The following CAMLG variants were observed in gnomAD, a reference collection of about 807,000 sequenced individuals.
CAMLG encodes the protein calcium modulating ligand, also known as guided entry of tail-anchored proteins factor CAMLG.
CAMLG carries 23 observed loss-of-function variants against 28.9 expected under a neutral mutation model. That is an observed-to-expected ratio of 0.80 (90% confidence interval 0.57 to 1.13). CAMLG has a LOEUF of 1.13. Among genes scored for constraint, CAMLG ranks in the 50% most tolerant of loss-of-function variants. The probability of loss-of-function intolerance (pLI) is 0.00; values close to 1 mark genes in which losing one functional copy is unlikely to be tolerated. For missense variants in CAMLG, 367 were observed against 371.9 expected (o/e 0.99, Z 0.11); for synonymous variants, 141 against 146.5 (o/e 0.96, Z 0.27).
intron 3 of CAMLG, among the ~76,000 whole-genome samples, chr5:134,745,136 G>T (rs183967974): frequency 6.6e-6 from 1 of 152,298 alleles, no homozygotes; most frequent in Non-Finnish European, 1.5e-5. Flanking sequence ...TTAAGCATTT[G>T]TTTAGAAATT....
chr5:134,750,857 A>T lies in CAMLG; in HGVS notation c.798A>T (p.Lys266Asn). The change falls in exon 4 of 4, where the codon AAA (lysine) becomes AAT (asparagine). Residue 266 changes from lysine to asparagine, a missense_variant. Transcript: ENST00000297156. ...ATCGATCAATGGATACCTATAGCAAAATGGGCGAAGTCTTCACAGATCTCT... is the reference window on the plus strand; with the variant it reads ...ATCGATCAATGGATACCTATAGCAATATGGGCGAAGTCTTCACAGATCTCT... ...VINRSMDTYS[K>N]MGEVFTDLCV... 1 of 1,614,066 alleles carries T rather than the reference A, an allele frequency of 6.2e-7. No homozygotes were observed. The highest frequency in any genetic ancestry group is 1.1e-5 in the South Asian group (1 of 91,068).
At position 134,747,684 on chromosome 5, in the gene CAMLG, C is replaced by T. The variant is rs1753066677; in HGVS notation, c.700-3075C>T. 2.0e-5 allele frequency among the ~76,000 whole-genome samples: 3 copies of T among 151,250 alleles called. No individual in the cohort carries two copies. In the South Asian group the frequency reaches 6.3e-4, roughly 32 times the overall value. On this transcript the variant is annotated intron_variant, in intron 3 of 3. Transcript: ENST00000297156. ...TTGAGACGGAGTCTCGCTCTGTCAC[C>T]AGGCAGGAGTGCAGTGGCACAATCT... is the stretch of plus-strand genomic sequence containing the variant.
Position 134,741,456 on chromosome 5 carries a change from G to T in CAMLG, c.566G>T (p.Arg189Leu). 1.2e-6 allele frequency: 2 copies of T among 1,614,036 alleles called. No homozygotes were observed. Among genetic ancestry groups the T allele is most frequent in the Non-Finnish European group, 1.7e-6 (2 of 1,179,914 alleles). ...GNTTEEFDSF[R>L]IFRLVGCALL... ...ACAACAGAAGAATTTGACTCTTTTC[G>T]AATATTTAGATTGGTGGGATGTGCT... Residue 189 changes from arginine to leucine, a missense_variant, in exon 2 of 4, where the codon CGA becomes CTA. Transcript: ENST00000297156.
chr5:134,740,560 A>T (rs186910387), intron 1 of CAMLG, among the ~76,000 whole-genome samples: 12 of 152,202 alleles, frequency 7.9e-5, no homozygotes, highest in Non-Finnish European at 1.2e-4. Flanking sequence ...ATTTTGGGTG[A>T]TACATTTTGA....
intron 3 of CAMLG, among the ~76,000 whole-genome samples, chr5:134,745,750 CA>C (rs57899213): frequency 0.085 from 9,882 of 116,802 alleles, 675 homozygotes; most frequent in African/African-American, 0.22. Flanking sequence ...GAGACTGTCT[CA>C]AAAAAAAAAA....
intron 1 of CAMLG, 137 bp from the exon 2 acceptor site, chr5:134,740,926 A>T (rs933630898): frequency 1.5e-6 from 1 of 657,520 alleles, no homozygotes; most frequent in African/African-American, 1.8e-5. Flanking sequence ...CTTTTCTTTA[A>T]TGCAGAATCG....
At chr5:134,745,816 C>G (rs536060772) in intron 3 of CAMLG, among the ~76,000 whole-genome samples, 8 of 150,876 alleles carry the variant, frequency 5.3e-5, no homozygotes, top group Admixed American at 4.0e-4. Flanking sequence ...AAGTTTGGAA[C>G]CTAAATGTCC....
chr5:134,739,688 G>T (rs780851447), intron 1 of CAMLG, among the ~76,000 whole-genome samples: 1 of 152,138 alleles, frequency 6.6e-6, no homozygotes, highest in Non-Finnish European at 1.5e-5. Flanking sequence ...GTTCTGTAAG[G>T]CTTTAGGTGT....
At position 134,738,779 on chromosome 5, in the gene CAMLG, C is replaced by G; in HGVS notation, c.159C>G (p.Pro53=). 1.2e-6 allele frequency: 2 copies of G among 1,614,024 alleles called. No homozygotes were observed. The highest frequency in any genetic ancestry group is 1.7e-6 in the Non-Finnish European group (2 of 1,179,980). ...RINRIMGFHR[P]GSGAEEESQT... is the part of the protein sequence containing the mutation. ...ACCGGATCATGGGCTTTCACAGGCCCGGGAGCGGCGCGGGTAAGAGCCTCG... is the reference window on the plus strand; with the variant it reads ...ACCGGATCATGGGCTTTCACAGGCCGGGGAGCGGCGCGGGTAAGAGCCTCG... The change falls in exon 1 of 4, where the codon CCC becomes CCG. Residue 53 remains proline, a synonymous_variant. Coordinates refer to ENST00000297156, the MANE Select transcript of CAMLG (RefSeq NM_001745.4).
At chr5:134,750,463 G>A (rs1045626108) in intron 3 of CAMLG, among the ~76,000 whole-genome samples, 3 of 151,992 alleles carry the variant, frequency 2.0e-5, no homozygotes, top group Admixed American at 1.3e-4. Context: ...GCTTGAACCC[G>A]GGAGGCAGAG....
intron 3 of CAMLG, among the ~76,000 whole-genome samples, chr5:134,745,180 G>A (rs1260910115): frequency 1.3e-5 from 2 of 148,178 alleles, no homozygotes; most frequent in African/African-American, 5.0e-5. Context: ...GCTCACGCCT[G>A]TAATCCCAGC....
intron 3 of CAMLG, among the ~76,000 whole-genome samples, chr5:134,748,780 T>G (rs1276211495): frequency 1.3e-5 from 2 of 152,182 alleles, no homozygotes; most frequent in Admixed American, 6.6e-5. Flanking sequence ...TCTGGCATAG[T>G]AATCCATGTA....
chr5:134,742,680 A>G (rs1752999070), intron 2 of CAMLG, among the ~76,000 whole-genome samples: 1 of 152,156 alleles, frequency 6.6e-6, no homozygotes, highest in Non-Finnish European at 1.5e-5. Context: ...CATTTTAAGT[A>G]TATGTACCAG....
chr5:134,741,152 G>C lies in CAMLG; in HGVS notation c.262G>C (p.Gly88Arg), dbSNP rs201518598. The part of the protein sequence containing the change: ...VPSVSKRVVL[G>R]DSVSTGTTDQ... ...TTCCGTTTCAAAGCGAGTAGTGCTG[G>C]GTGATTCAGTCAGTACAGGAACAAC... Residue 88 changes from glycine to arginine, a missense_variant, in exon 2 of 4, where the codon GGT becomes CGT. Coordinates refer to ENST00000297156, the MANE Select transcript of CAMLG (RefSeq NM_001745.4). 4.6e-5 allele frequency: 75 copies of C among 1,613,946 alleles called. No individual in the cohort carries two copies. The highest frequency in any genetic ancestry group is 7.6e-6 in the Non-Finnish European group (9 of 1,179,924).
At chr5:134,746,707 C>T (rs1344222488) in intron 3 of CAMLG, among the ~76,000 whole-genome samples, 1 of 151,980 alleles carries the variant, frequency 6.6e-6, no homozygotes, top group African/African-American at 2.4e-5. Flanking sequence ...GAACTCCCAG[C>T]CTCAGGTGAT....
chr5:134,741,130 C>T lies in CAMLG; in HGVS notation c.240C>T (p.Ser80=), dbSNP rs75246452. Residue 80 remains serine, a synonymous_variant, in exon 2 of 4, where the codon TCC becomes TCT. Coordinates refer to ENST00000297156, the MANE Select transcript of CAMLG (RefSeq NM_001745.4). ...SDKLNSLSVP[S]VSKRVVLGDS... ...AACTGAACTCCCTCAGCGTTCCTTC[C>T]GTTTCAAAGCGAGTAGTGCTGGGTG... 4.9e-4 allele frequency: 795 copies of T among 1,614,066 alleles called. 4 individuals carry two copies. In the African/African-American group the frequency reaches 9.6e-3, roughly 19 times the overall value.
At chr5:134,748,664 A>G (rs1753078705) in intron 3 of CAMLG, among the ~76,000 whole-genome samples, 1 of 152,186 alleles carries the variant, frequency 6.6e-6, no homozygotes, top group Non-Finnish European at 1.5e-5. Flanking sequence ...ACCTCTTTCA[A>G]GGTTTATAAC....
intron 2 of CAMLG, among the ~76,000 whole-genome samples, chr5:134,742,048 C>T (rs997845796): frequency 8.5e-5 from 13 of 152,080 alleles, no homozygotes; most frequent in Non-Finnish European, 1.5e-4. Context: ...ATTTACATTG[C>T]ATTAGGCATA....
chr5:134,743,610 G>A (rs1317428701), intron 2 of CAMLG, among the ~76,000 whole-genome samples: 1 of 151,504 alleles, frequency 6.6e-6, no homozygotes, highest in Non-Finnish European at 1.5e-5. Flanking sequence ...TCTCATACCT[G>A]TAATCCCAGC....
Sources: gnomAD v4.1 joint callset for allele counts (sites outside exome capture counted in the v4.1 genomes callset) on GRCh38, gnomAD v4.1.1 for gene constraint, MANE v1.5 for transcripts, NCBI Gene and HGNC (gene_info 2026-07-23, HGNC 2026-07-21) for gene names.